Variants in RGS6 observed in about 807,000 individuals in gnomAD.
The protein encoded by RGS6 is regulator of G-protein signaling 6.
In RGS6, 30 loss-of-function variants were observed where a neutral mutation model predicts 78.5. The ratio of observed to expected loss-of-function variants is 0.38; its 90% CI spans 0.29 to 0.52. RGS6 has a LOEUF of 0.52. RGS6 is among the 20% of genes least tolerant of loss of function. The pLI is 0.85. For missense variants in RGS6, 495 were observed against 609.7 expected (o/e 0.81, Z 1.98); for synonymous variants, 206 against 206.0 (o/e 1.00, Z 0.00).
In RGS6 at chr14:72,307,744, A is replaced by G. The variant is rs147408047; in HGVS notation, c.85-44351A>G. Among the ~76,000 whole-genome samples the G allele has an allele frequency of 1.5e-3, 235 of 152,254 alleles. 2 individuals are homozygous for G. Among genetic ancestry groups the G allele is most frequent in the African/African-American group, 5.4e-3 (226 of 41,564 alleles). On this transcript the variant is annotated intron_variant, in intron 2 of 17. Transcript: ENST00000553525. ...AATGAACTTTAAAATCATCTTGCCT[A>G]TGACTCCATGAAAAAATTATATTGC...
At position 72,565,999 on chromosome 14, in the gene RGS6, G is replaced by T. The variant is rs2097708503; in HGVS notation, c.*3532G>T. The T allele has an allele frequency of 6.6e-6, 1 of 152,220 alleles. No homozygotes were observed. Among genetic ancestry groups the T allele is most frequent in the African/African-American group, 2.4e-5 (1 of 41,428 alleles). 9.4% of individuals were successfully genotyped at this position (152,220 alleles called of 1,614,324 possible). On this transcript the variant is annotated 3_prime_UTR_variant, in exon 18 of 18. Coordinates refer to ENST00000553525, the MANE Select transcript of RGS6 (RefSeq NM_001204424.2). ...GATAATGCACCACCAGCCTCAAAAA[G>T]GAGCTGCCCAAGTTGAATATGTAGC...
chr14:72,051,259 C>A (rs2153411397), intron 2 of RGS6, among the ~76,000 whole-genome samples: 1 of 152,088 alleles, frequency 6.6e-6, no homozygotes. Flanking sequence ...CAATTCTAGA[C>A]AAGCACAAGC....
chr14:72,032,923 C>T (rs1317225487), intron 2 of RGS6, among the ~76,000 whole-genome samples: 1 of 152,114 alleles, frequency 6.6e-6, no homozygotes, highest in Non-Finnish European at 1.5e-5. Flanking sequence ...ACATGGTGTG[C>T]ACTTATCTCT....
At position 72,495,155 on chromosome 14, in the gene RGS6, A is replaced by C; in HGVS notation, c.858A>C (p.Leu286Phe). The part of the protein sequence containing the change: ...CLKMSKVAES[L>F]IAYTEQYVEY... Reference sequence around the variant, plus strand: ...TTGCTCTGCCTCCCTCCTGCAGTTTAATTGCCTACACGGAACAATATGTGG... The same window carrying C: ...TTGCTCTGCCTCCCTCCTGCAGTTTCATTGCCTACACGGAACAATATGTGG... The change falls in exon 13 of 18, where the codon TTA (leucine) becomes TTC (phenylalanine). Residue 286 changes from leucine (L) to phenylalanine (F), a missense_variant. Transcript: ENST00000553525. 1 of 1,601,050 alleles carries C rather than the reference A, an allele frequency of 6.2e-7. No individual in the cohort carries two copies. Among genetic ancestry groups the C allele is most frequent in the Non-Finnish European group, 8.6e-7 (1 of 1,168,146 alleles).
the RGS6 span, among the ~76,000 whole-genome samples, chr14:72,615,724 T>G: frequency 6.6e-6 from 1 of 152,234 alleles, no homozygotes; most frequent in Admixed American, 6.5e-5. Context: ...TGGGACCTGC[T>G]GGCTCCTGCT....
chr14:72,072,006 T>C (rs1157792875), intron 2 of RGS6, among the ~76,000 whole-genome samples: 1 of 152,224 alleles, frequency 6.6e-6, no homozygotes, highest in Non-Finnish European at 1.5e-5. Context: ...CTTGTAAATT[T>C]TTTTAACCTT....
intron 2 of RGS6, among the ~76,000 whole-genome samples, chr14:72,056,182 A>AAG (rs2093608647): frequency 6.6e-6 from 1 of 152,192 alleles, no homozygotes; most frequent in South Asian, 2.1e-4. Flanking sequence ...ATTCTCATTT[A>AAG]CAGATGGGGG....
chr14:72,569,111 GGTGTGT>G (rs35508602), downstream of RGS6, among the ~76,000 whole-genome samples: 13 of 137,618 alleles, frequency 9.4e-5, no homozygotes, highest in East Asian at 2.4e-4. Flanking sequence ...GATTCTCTGG[GGTGTGT>G]GTGTGTGTGT....
chr14:72,501,015 G>A (rs1482166470), intron 13 of RGS6, among the ~76,000 whole-genome samples: 1 of 152,238 alleles, frequency 6.6e-6, no homozygotes, highest in Non-Finnish European at 1.5e-5. Flanking sequence ...TGAGAGGAGG[G>A]GTTTGGTGGG....
chr14:72,423,314 G>A (rs1239649939), intron 3 of RGS6, among the ~76,000 whole-genome samples: 1 of 152,104 alleles, frequency 6.6e-6, no homozygotes, highest in Non-Finnish European at 1.5e-5. Flanking sequence ...TGTTTACCTG[G>A]CCCTCAGGCT....
the RGS6 span, chr14:72,629,542 A>C: frequency 7.5e-7 from 1 of 1,338,214 alleles, no homozygotes; most frequent in East Asian, 2.5e-5. Flanking sequence ...CCTAGTGACA[A>C]GAGTCCTTCC....
At chr14:72,402,790 GTTTTTTTTTT>G (rs1167831473) in intron 3 of RGS6, among the ~76,000 whole-genome samples, 1 of 75,800 alleles carries the variant, frequency 1.3e-5, no homozygotes, top group Non-Finnish European at 2.3e-5. Flanking sequence ...TGTTTTTTTG[GTTTTTTTTTT>G]TTTTTTTTTT....
At chr14:72,007,749 C>T (rs1188277527) in intron 2 of RGS6, among the ~76,000 whole-genome samples, 1 of 152,076 alleles carries the variant, frequency 6.6e-6, no homozygotes, top group African/African-American at 2.4e-5. Context: ...AGACATTGTA[C>T]CTCAGTCCAA....
intron 15 of RGS6, among the ~76,000 whole-genome samples, chr14:72,535,370 ATTATTGCCTGTTTTTTTAAATTAAACTT>A (rs2097236289): frequency 6.6e-6 from 1 of 152,114 alleles, no homozygotes; most frequent in South Asian, 2.1e-4. Context: ...ACCCAATTGC[ATTATTGCCTGTTTTTTTAAATTAAACTT>A]TTTATTTTGA....
intron 2 of RGS6, among the ~76,000 whole-genome samples, chr14:72,228,051 C>T (rs937612336): frequency 2.0e-5 from 3 of 152,096 alleles, no homozygotes; most frequent in Non-Finnish European, 4.4e-5. Context: ...CAGGAGGAAC[C>T]AGCACCTCAG....
intron 13 of RGS6, among the ~76,000 whole-genome samples, chr14:72,499,654 G>C (rs1459217373): frequency 6.6e-6 from 1 of 151,970 alleles, no homozygotes; most frequent in Non-Finnish European, 1.5e-5. Flanking sequence ...GTTTTTTTGG[G>C]GTTTTTTTGT....
intron 2 of RGS6, among the ~76,000 whole-genome samples, chr14:72,207,942 G>T (rs976225732): frequency 2.6e-5 from 4 of 152,180 alleles, no homozygotes; most frequent in African/African-American, 9.6e-5. Context: ...ATCTCTCAGT[G>T]GATTAGAAGT....
chr14:71,878,235 G>A, the RGS6 span, among the ~76,000 whole-genome samples: 38 of 152,324 alleles, frequency 2.5e-4, no homozygotes, highest in East Asian at 7.0e-3. Context: ...TAAGTCTGCA[G>A]AAGTTTCTGA....
intron 2 of RGS6, among the ~76,000 whole-genome samples, chr14:71,966,401 C>T (rs1273802123): frequency 2.0e-5 from 3 of 151,964 alleles, no homozygotes; most frequent in Non-Finnish European, 4.4e-5. Context: ...TATTAAATTG[C>T]GATAAAGAAA....
Sources: allele counts gnomAD v4.1 joint callset (sites outside exome capture counted in the v4.1 genomes callset), GRCh38; gene constraint gnomAD v4.1.1; transcripts MANE v1.5; gene names NCBI Gene and HGNC (gene_info 2026-07-23, HGNC 2026-07-21).